Variants in PDZD2 observed in about 807,000 individuals in gnomAD.
PDZD2 encodes PDZ domain-containing protein 2.
PDZD2 carries 90 observed loss-of-function variants against 220.7 expected under a neutral mutation model. That is an observed-to-expected ratio of 0.41 (90% CI 0.34 to 0.49). The LOEUF is 0.49. Among genes scored for constraint, PDZD2 ranks in the 20% least tolerant of loss-of-function variants. The pLI is 0.28. For missense variants in PDZD2, 3,174 were observed against 3,608.5 expected, an observed-to-expected ratio of 0.88 and a Z score of 3.08; for synonymous variants, 1,375 against 1,450.5, an observed-to-expected ratio of 0.95 and a Z score of 1.18.
At chr5:31,938,170 C>A (rs777235293) in intron 2 of PDZD2, among the ~76,000 whole-genome samples, 18 of 152,184 alleles carry the variant, frequency 1.2e-4, no homozygotes, top group Admixed American at 2.0e-4. Context: ...CCTCGGCCTC[C>A]CAAAGTGCTA....
chr5:31,828,827 C>T (rs945074872), intron 2 of PDZD2, among the ~76,000 whole-genome samples: 1 of 152,178 alleles, frequency 6.6e-6, no homozygotes, highest in Non-Finnish European at 1.5e-5. Context: ...ATTCTTTACC[C>T]ACTTTTACAT....
chr5:31,914,710 T>A (rs12521501), intron 2 of PDZD2, among the ~76,000 whole-genome samples: 1 of 152,026 alleles, frequency 6.6e-6, no homozygotes. Context: ...TCTTAGATGA[T>A]GAAACGGAGA....
chr5:31,939,890 A>G (rs942778608), intron 2 of PDZD2, among the ~76,000 whole-genome samples: 1 of 152,258 alleles, frequency 6.6e-6, no homozygotes, highest in African/African-American at 2.4e-5. Context: ...CAAAGTGTAT[A>G]AACCTAGAGG....
chr5:32,042,546 T>C (rs1756284985), intron 7 of PDZD2, among the ~76,000 whole-genome samples: 1 of 152,022 alleles, frequency 6.6e-6, no homozygotes, highest in Non-Finnish European at 1.5e-5. Context: ...GCTTTCCAGC[T>C]GGGCAACAGA....
chr5:31,855,463 G>A (rs527840279), intron 2 of PDZD2, among the ~76,000 whole-genome samples: 4 of 152,368 alleles, frequency 2.6e-5, no homozygotes, highest in African/African-American at 9.6e-5. Flanking sequence ...TGACGGGCAG[G>A]GAAGGGGTGC....
intron 24 of PDZD2, 87 bp downstream of exon 24, chr5:32,101,326 A>C (rs1428308099): frequency 2.4e-6 from 3 of 1,246,374 alleles, no homozygotes; most frequent in Admixed American, 5.2e-5. Flanking sequence ...TCCATTTAGA[A>C]ATCAAAAAAC....
intron 2 of PDZD2, among the ~76,000 whole-genome samples, chr5:31,897,932 G>C (rs1741721204): frequency 6.6e-6 from 1 of 151,910 alleles, no homozygotes; most frequent in South Asian, 2.1e-4. Flanking sequence ...TTTTGGCTGG[G>C]TTTCACCGTG....
Position 32,090,768 on chromosome 5 carries a change from G to A in PDZD2, c.7320G>A (p.Ser2440=), listed in dbSNP as rs139521722. Residue 2440 remains serine (S), a synonymous_variant, in exon 20 of 25, where the codon TCG becomes TCA. Transcript: ENST00000438447. The surrounding 1 kb of genome is among the most constrained non-coding windows in gnomAD (Gnocchi z 4.3). ...PPETSSKGSD[S]ELKKSLGPLG... ...AGACCAGTAGCAAGGGCTCTGATTC[G>A]GAACTAAAGAAATCACTTGGTCCTT... 1.9e-4 allele frequency: 309 copies of A among 1,614,046 alleles called. No individual in the cohort carries two copies. The African/African-American group carries it at 3.5e-3, about 18-fold the overall frequency.
intron 2 of PDZD2, among the ~76,000 whole-genome samples, chr5:31,808,997 A>AT (rs146377725): frequency 0.057 from 8,721 of 152,164 alleles, 543 homozygotes; most frequent in African/African-American, 0.16. Flanking sequence ...AAAAATAATA[A>AT]AAATAACTAA....
chr5:31,697,496 A>G (rs961023037), intron 1 of PDZD2, among the ~76,000 whole-genome samples: 2 of 152,204 alleles, frequency 1.3e-5, no homozygotes, highest in South Asian at 4.1e-4. Flanking sequence ...GAAAATCGGA[A>G]AGAACATAAA....
chr5:32,089,081 A>G lies in PDZD2; in HGVS notation c.5633A>G (p.Lys1878Arg). The G allele has an allele frequency of 6.2e-7, 1 of 1,614,006 alleles. No individual in the cohort carries two copies. The highest frequency in any genetic ancestry group is 8.5e-7 in the Non-Finnish European group (1 of 1,179,996). Reference sequence around the variant, plus strand: ...GAAATGCTTCTGACTAATGGTCAGAAGGCAAAGTGTGGTCCGAAGCTGAAG... The same window carrying G: ...GAAATGCTTCTGACTAATGGTCAGAGGGCAAAGTGTGGTCCGAAGCTGAAG... ...PAEMLLTNGQ[K>R]AKCGPKLKRL... Residue 1878 changes from lysine to arginine, a missense_variant, in exon 20 of 25, where the codon AAG becomes AGG. By Grantham distance (26) the Lys-to-Arg change is conservative. Coordinates refer to ENST00000438447, the MANE Select transcript of PDZD2 (RefSeq NM_178140.4).
At chr5:31,938,131 C>G (rs1233034975) in intron 2 of PDZD2, among the ~76,000 whole-genome samples, 2 of 152,204 alleles carry the variant, frequency 1.3e-5, no homozygotes, top group Admixed American at 1.3e-4. Flanking sequence ...AGATTGGTGT[C>G]AAACTTTTGA....
At chr5:32,065,809 G>T (rs1297393416) in intron 14 of PDZD2, among the ~76,000 whole-genome samples, 1 of 152,124 alleles carries the variant, frequency 6.6e-6, no homozygotes, top group Non-Finnish European at 1.5e-5. Flanking sequence ...TGGATCGCCT[G>T]CGATCAGGAG....
intron 2 of PDZD2, among the ~76,000 whole-genome samples, chr5:31,890,801 A>G (rs958725655): frequency 6.6e-5 from 10 of 152,158 alleles, no homozygotes; most frequent in Admixed American, 2.6e-4. Flanking sequence ...AGACAGGTGG[A>G]AACAGTAACT....
chr5:31,718,805 A>G (rs1203036430), intron 1 of PDZD2, among the ~76,000 whole-genome samples: 1 of 145,210 alleles, frequency 6.9e-6, no homozygotes, highest in African/African-American at 2.6e-5. Context: ...GGTTCAAGTC[A>G]TTCTCCTGTC....
At chr5:31,762,787 G>A (rs79902443) in intron 1 of PDZD2, among the ~76,000 whole-genome samples, 1,693 of 152,310 alleles carry the variant, frequency 0.011, 29 homozygotes, top group African/African-American at 0.039. Flanking sequence ...TCTGAGGATT[G>A]GGGAGGGAGG....
chr5:31,977,332 A>G (rs1749877758), intron 2 of PDZD2, among the ~76,000 whole-genome samples: 1 of 152,230 alleles, frequency 6.6e-6, no homozygotes, highest in Non-Finnish European at 1.5e-5. Context: ...TCAAATATCA[A>G]AACTATACAG....
chr5:32,060,540 A>G (rs1241818302), intron 13 of PDZD2, among the ~76,000 whole-genome samples: 1 of 152,136 alleles, frequency 6.6e-6, no homozygotes, highest in Non-Finnish European at 1.5e-5. Flanking sequence ...CTGGTGGTCG[A>G]GGGGTTCTGT....
chr5:32,021,421 C>A (rs1754193336), intron 6 of PDZD2, among the ~76,000 whole-genome samples: 1 of 152,050 alleles, frequency 6.6e-6, no homozygotes, highest in Non-Finnish European at 1.5e-5. Flanking sequence ...CTCAGCCTCC[C>A]GAGTAGCTGG....
Sources: allele counts gnomAD v4.1 joint callset (sites outside exome capture counted in the v4.1 genomes callset), GRCh38; gene constraint gnomAD v4.1.1; non-coding constraint Gnocchi (gnomAD v3.1); transcripts MANE v1.5; gene names NCBI Gene and HGNC (gene_info 2026-07-23, HGNC 2026-07-21).